The following NMRK2 variants were observed in gnomAD, a reference collection of about 807,000 sequenced individuals.
NMRK2 encodes the protein nicotinamide riboside kinase 2.
In NMRK2, 34 loss-of-function variants were observed where a neutral mutation model predicts 24.7. The ratio of observed to expected loss-of-function variants is 1.37; its 90% CI spans 1.05 to 1.83. The LOEUF is 1.83. Ranked by LOEUF, NMRK2 falls within the 40% of genes most tolerant of loss-of-function variation. NMRK2 has a pLI of 0.00. For synonymous variants in NMRK2, 145 were observed against 125.6 expected (o/e 1.15, Z -1.03); for missense variants, 341 against 315.0 (o/e 1.08, Z -0.62).
rs537807419 is a variant in NMRK2 at position 3,938,863 on chromosome 19, T to C, written c.323+104T>C. The C allele has an allele frequency of 9.6e-6, 9 of 938,858 alleles. No homozygotes were observed. The Admixed American group carries it at 3.1e-4, about 32-fold the overall frequency. 58.2% of individuals were successfully genotyped at this position (938,858 alleles called of 1,614,324 possible). A position where few individuals can be genotyped will look rare whatever the true frequency, so the allele number is the denominator to read the frequency against. ...TTTTTTGTTTTGTTTTTTTTTTTTT[T>C]TGAGACAAGAGTTTTGCTCTTGTTG... On this transcript the variant is annotated intron_variant, in intron 5 of 7. Transcript: ENST00000168977.
chr19:3,942,036 T>C (rs896754672), intron 7 of NMRK2, 47 bp from the exon 8 acceptor site: 6 of 1,546,382 alleles, frequency 3.9e-6, no homozygotes, highest in Non-Finnish European at 5.3e-6. Flanking sequence ...CCCCGTGCTC[T>C]GGCCCCCTTC....
rs768025221 is a variant in NMRK2, at chr19:3,936,543, C to T, written c.27-32C>T. On this transcript the variant is annotated intron_variant, in intron 2 of 7. Transcript: ENST00000168977. ...CACCCTGACCTTCTTGGGGGGAGCC[C>T]AGGCAGTCTCATGCACACGCTGTCT... is the stretch of plus-strand genomic sequence containing the variant. 1.1e-5 allele frequency: 16 copies of T among 1,500,704 alleles called. 1 individual carries two copies. The East Asian group carries it at 3.0e-4, about 28-fold the overall frequency. 93.0% of individuals were successfully genotyped at this position (1,500,704 alleles called of 1,614,324 possible).
At position 3,941,180 on chromosome 19, in the gene NMRK2, A is replaced by C. The variant is rs1393517311; in HGVS notation, c.502+3A>C. ...GGAGGCCAACGGTGTGGAAGTGGGTAAGCCCCTGAGCATGACCAGGCCTTG... is the reference window on the plus strand; with the variant it reads ...GGAGGCCAACGGTGTGGAAGTGGGTCAGCCCCTGAGCATGACCAGGCCTTG... On this transcript the variant is annotated splice_donor_region_variant and intron_variant, in intron 7 of 7. Transcript: ENST00000168977. 5 of 1,573,810 alleles carry C rather than the reference A, an allele frequency of 3.2e-6. No individual in the cohort carries two copies. The East Asian group carries it at 1.2e-4, about 36-fold the overall frequency.
intron 5 of NMRK2, among the ~76,000 whole-genome samples, chr19:3,939,340 C>G (rs2039283934): frequency 6.6e-6 from 1 of 151,850 alleles, no homozygotes; most frequent in African/African-American, 2.4e-5. Context: ...TGGCGAAACC[C>G]TGTCTCTACT....
intron 6 of NMRK2, among the ~76,000 whole-genome samples, chr19:3,940,867 C>T (rs1241786413): frequency 1.3e-5 from 2 of 152,194 alleles, no homozygotes; most frequent in Admixed American, 1.3e-4. Flanking sequence ...GCACGGCCCA[C>T]CCCAACCCTG....
chr19:3,935,251 CTTTTTTTT>C (rs900517564), intron 2 of NMRK2, among the ~76,000 whole-genome samples: 7 of 105,642 alleles, frequency 6.6e-5, no homozygotes, highest in South Asian at 3.5e-4. Context: ...TTCCGTCAGT[CTTTTTTTT>C]TTTTTTTTTT....
intron 3 of NMRK2, among the ~76,000 whole-genome samples, chr19:3,936,939 C>G (rs1201539586): frequency 1.3e-5 from 2 of 152,178 alleles, no homozygotes; most frequent in Non-Finnish European, 2.9e-5. Flanking sequence ...ATGGGAAAGC[C>G]ACCATTCCTC....
In NMRK2 at chr19:3,933,527, C is replaced by T; in HGVS notation, c.-145C>T. The T allele has an allele frequency of 2.3e-6, 2 of 882,536 alleles. No homozygotes were observed. Among genetic ancestry groups the T allele is most frequent in the Non-Finnish European group, 3.3e-6 (2 of 613,414 alleles). The allele number at this position is 882,536 out of a possible 1,614,324, so 54.7% of individuals were successfully genotyped here. ...TCCGCCCCATCCCCAGGGGCCGCCTCCCCCGGGGCGGCCTCCAGGCTGCCG... is the reference window on the plus strand; with the variant it reads ...TCCGCCCCATCCCCAGGGGCCGCCTTCCCCGGGGCGGCCTCCAGGCTGCCG... On this transcript the variant is annotated 5_prime_UTR_variant, in exon 2 of 8. Transcript: ENST00000168977.
At chr19:3,942,043 C>T in intron 7 of NMRK2, 40 bp from the exon 8 acceptor site, 1 of 1,584,954 alleles carries the variant, frequency 6.3e-7, no homozygotes, top group Non-Finnish European at 8.6e-7. Flanking sequence ...CTCTGGCCCC[C>T]TTCCTCCCGG....
chr19:3,941,062 C>T lies in NMRK2; in HGVS notation c.396-9C>T, dbSNP rs1460524383. ...TGCTCTAAGCCATCCTTGCCTTCTC[C>T]CTCTGCAGTACCCGCAACTACACAG... On this transcript the variant is annotated splice_polypyrimidine_tract_variant and intron_variant, in intron 6 of 7. Transcript: ENST00000168977. The T allele has an allele frequency of 6.3e-7, 1 of 1,591,064 alleles. No homozygotes were observed. Among genetic ancestry groups the T allele is most frequent in the East Asian group, 2.2e-5 (1 of 44,666 alleles).
intron 5 of NMRK2, 60 bp downstream of exon 5, chr19:3,938,819 C>CT: frequency 3.0e-4 from 99 of 330,086 alleles, no homozygotes; most frequent in Middle Eastern, 6.6e-4. Flanking sequence ...ATAGCCATCT[C>CT]TTGTTTTTTT....
rs1209954985 is a variant in NMRK2, at chr19:3,936,641, G to C, written c.93G>C (p.Val31=). 7 of 1,570,586 alleles carry C rather than the reference G, an allele frequency of 4.5e-6. No individual in the cohort carries two copies. The highest frequency in any genetic ancestry group is 6.0e-6 in the Non-Finnish European group (7 of 1,158,118). The part of the protein sequence containing the change: ...SLLRALPNCC[V]IHQDDFFKPQ... Reference sequence around the variant, plus strand: ...TCAGAGCCCTGCCCAACTGCTGCGTGATCCATCAGGATGACTTCTTCAAGG... The same window carrying C: ...TCAGAGCCCTGCCCAACTGCTGCGTCATCCATCAGGATGACTTCTTCAAGG... The change falls in exon 3 of 8, where the codon GTG becomes GTC. Residue 31 remains valine, a synonymous_variant. Coordinates refer to ENST00000168977, the MANE Select transcript of NMRK2 (RefSeq NM_170678.3).
At position 3,938,697 on chromosome 19, in the gene NMRK2, C is replaced by G; in HGVS notation, c.261C>G (p.Val87=). The change falls in exon 5 of 8, where the codon GTC becomes GTG. Residue 87 remains valine, a synonymous_variant. Transcript: ENST00000168977. ...QKFARAHGVS[V]QPEASDTHIL... is the part of the protein sequence containing the mutation. ...TTGCCCGTGCCCACGGGGTCAGCGT[C>G]CAGCCAGAGGCCTCGGACACCCACA... is the stretch of plus-strand genomic sequence containing the variant. 6.2e-7 allele frequency: 1 copy of G among 1,612,796 alleles called. No homozygotes were observed.
At chr19:3,935,988 A>C (rs1486511245) in intron 2 of NMRK2, among the ~76,000 whole-genome samples, 3 of 152,098 alleles carry the variant, frequency 2.0e-5, no homozygotes, top group African/African-American at 7.2e-5. Flanking sequence ...AGGCAGGCGG[A>C]TCACCAGAGG....
At chr19:3,940,073 A>AGCCCC in intron 6 of NMRK2, 102 bp downstream of exon 6, 1 of 1,014,808 alleles carries the variant, frequency 9.9e-7, no homozygotes, top group Non-Finnish European at 1.5e-6. Context: ...GGGGCTGGGC[A>AGCCCC]CAGTGTCTCT....
Position 3,942,333 on chromosome 19 carries a change from G to C in NMRK2, c.*60G>C. On this transcript the variant is annotated 3_prime_UTR_variant, in exon 8 of 8. Transcript: ENST00000168977. Reference sequence around the variant, plus strand: ...GTGGAGGCCCCACTCCCAGTTGGGCGTCCCGGAGCTCAGGGACTGAGCCCC... The same window carrying C: ...GTGGAGGCCCCACTCCCAGTTGGGCCTCCCGGAGCTCAGGGACTGAGCCCC... 1.4e-6 allele frequency: 2 copies of C among 1,469,384 alleles called. No homozygotes were observed. Among genetic ancestry groups the C allele is most frequent in the Non-Finnish European group, 1.8e-6 (2 of 1,085,764 alleles). The allele number at this position is 1,469,384 out of a possible 1,614,324, so 91.0% of individuals were successfully genotyped here. A position where few individuals can be genotyped will look rare whatever the true frequency, so the allele number is the denominator to read the frequency against.
In NMRK2 at chr19:3,942,180, C is replaced by T; in HGVS notation, c.600C>T (p.Pro200=). The T allele has an allele frequency of 1.2e-6, 2 of 1,613,274 alleles. No individual in the cohort carries two copies. Among genetic ancestry groups the T allele is most frequent in the East Asian group, 2.2e-5 (1 of 44,874 alleles). ...SLLNRSQESA[P]SPARPARTQG... ...TGAACCGCTCCCAGGAATCAGCCCC[C>T]TCCCCGGCTCGCCCAGCCAGGACAC... is the stretch of plus-strand genomic sequence containing the variant. The change falls in exon 8 of 8, where the codon CCC becomes CCT. Residue 200 remains proline (P), a synonymous_variant. Coordinates refer to ENST00000168977, the MANE Select transcript of NMRK2 (RefSeq NM_170678.3).
chr19:3,940,734 CAA>C (rs752138779), intron 6 of NMRK2, among the ~76,000 whole-genome samples: 4 of 74,366 alleles, frequency 5.4e-5, no homozygotes, highest in African/African-American at 4.8e-5. Flanking sequence ...GATTCCATCT[CAA>C]AAAAAAAAAA....
Position 3,933,472 on chromosome 19 carries a change from C to A in NMRK2, c.-200C>A. The A allele has an allele frequency of 1.9e-6, 1 of 538,440 alleles. No individual in the cohort carries two copies. Among genetic ancestry groups the A allele is most frequent in the Admixed American group, 3.8e-5 (1 of 26,282 alleles). 33.4% of individuals were successfully genotyped at this position (538,440 alleles called of 1,614,324 possible). On this transcript the variant is annotated 5_prime_UTR_variant, in exon 2 of 8. Transcript: ENST00000168977. ...GCAAAAGGCAGCCTGGAGCTATTTCCATTCGGCGGCGGGAACAGGTGCCGG... is the reference window on the plus strand; with the variant it reads ...GCAAAAGGCAGCCTGGAGCTATTTCAATTCGGCGGCGGGAACAGGTGCCGG...
Sources: gnomAD v4.1 joint callset for allele counts (sites outside exome capture counted in the v4.1 genomes callset) on GRCh38, gnomAD v4.1.1 for gene constraint, MANE v1.5 for transcripts, NCBI Gene and HGNC (gene_info 2026-07-23, HGNC 2026-07-21) for gene names.